CTTN: variants seen among roughly 807,000 people sequenced by gnomAD.
CTTN encodes src substrate cortactin.
Under a neutral mutation model 84.0 loss-of-function variants are expected in CTTN, and 28 were observed. That is an observed-to-expected ratio of 0.33 (90% CI 0.25 to 0.46). The LOEUF (loss-of-function observed/expected upper bound fraction) is 0.46, where lower values mean the gene tolerates loss of function less well. Among genes scored for constraint, CTTN ranks in the 20% least tolerant of loss-of-function variants. The pLI is 1.00. For synonymous variants in CTTN, 301 were observed against 288.8 expected (o/e 1.04, Z -0.43); for missense variants, 641 against 723.8 (o/e 0.89, Z 1.31).
At position 70,435,668 on chromosome 11, in the gene CTTN, A is replaced by G. The variant is rs1488672191; in HGVS notation, c.*506A>G. On this transcript the variant is annotated 3_prime_UTR_variant, in exon 18 of 18. Transcript: ENST00000301843. ...CCTGATGGAAGTTAACCCGGAGCTA[A>G]GTCACCCAGAGCACAGGAGCTGCCA... 4.4e-6 allele frequency: 7 copies of G among 1,597,210 alleles called. No homozygotes were observed. Among genetic ancestry groups the G allele is most frequent in the Admixed American group, 3.3e-5 (2 of 59,838 alleles).
intron 5 of CTTN, 46 bp downstream of exon 5, chr11:70,410,006 A>G: frequency 2.5e-6 from 4 of 1,606,802 alleles, no homozygotes; most frequent in Non-Finnish European, 3.4e-6. Context: ...GTGTGCTTGG[A>G]CCACTAGACT....
At chr11:70,413,168 A>G (rs1021785857) in intron 5 of CTTN, among the ~76,000 whole-genome samples, 2 of 152,238 alleles carry the variant, frequency 1.3e-5, no homozygotes, top group African/African-American at 4.8e-5. Context: ...AATAGGGGAA[A>G]TAGTGGACAC....
At position 70,435,424 on chromosome 11, in the gene CTTN, G is replaced by GTTTTTTT; in HGVS notation, c.*266_*272dup. On this transcript the variant is annotated 3_prime_UTR_variant, in exon 18 of 18. Coordinates refer to ENST00000301843, the MANE Select transcript of CTTN (RefSeq NM_005231.4). ...TGGTAATTGGTTTTATGCATTGATG[G>GTTTTTTT]TTTTTTTTTTCTTTTTTGCCAAATT... The GTTTTTTT allele has an allele frequency of 7.2e-7, 1 of 1,381,482 alleles. No homozygotes were observed. The highest frequency in any genetic ancestry group is 1.4e-5 in the South Asian group (1 of 70,672). The allele number at this position is 1,381,482 out of a possible 1,614,324, so 85.6% of individuals were successfully genotyped here.
Position 70,436,059 on chromosome 11 carries a change from C to T in CTTN, c.*897C>T, listed in dbSNP as rs905822174. 1.8e-5 allele frequency: 26 copies of T among 1,424,830 alleles called. No individual in the cohort carries two copies. The East Asian group carries it at 4.6e-4, about 25-fold the overall frequency. 88.3% of individuals were successfully genotyped at this position (1,424,830 alleles called of 1,614,324 possible). On this transcript the variant is annotated 3_prime_UTR_variant, in exon 18 of 18. Coordinates refer to ENST00000301843, the MANE Select transcript of CTTN (RefSeq NM_005231.4). ...GCCATGTCACAGCATGGCCTCTCGG[C>T]CTTGGGAAGGAAGGCAGTGCCTGCT... is the stretch of plus-strand genomic sequence containing the variant.
chr11:70,429,446 G>C (rs1298488114), intron 14 of CTTN, among the ~76,000 whole-genome samples: 2 of 152,188 alleles, frequency 1.3e-5, no homozygotes, highest in Non-Finnish European at 2.9e-5. Context: ...TCCAGCCCCA[G>C]GACCCGCCAA....
At chr11:70,407,197 G>A (rs1244493288) in intron 2 of CTTN, 101 bp from the exon 3 acceptor site, 1 of 886,200 alleles carries the variant, frequency 1.1e-6, no homozygotes, top group Non-Finnish European at 1.8e-6. Flanking sequence ...CGTCCTCCTG[G>A]GTTGCCTAGA....
chr11:70,428,090 T>G, intron 13 of CTTN, among the ~76,000 whole-genome samples: 1 of 151,014 alleles, frequency 6.6e-6, no homozygotes, highest in South Asian at 2.1e-4. Flanking sequence ...TCATGGTCCT[T>G]GAGACACAGA....
chr11:70,417,196 C>T, intron 8 of CTTN, 73 bp downstream of exon 8: 1 of 1,103,426 alleles, frequency 9.1e-7, no homozygotes, highest in South Asian at 1.2e-5. Context: ...TCTCTCTGCA[C>T]ACGTGATTGT....
At chr11:70,427,968 C>G (rs1343541248) in intron 13 of CTTN, among the ~76,000 whole-genome samples, 4 of 152,096 alleles carry the variant, frequency 2.6e-5, no homozygotes, top group African/African-American at 9.7e-5. Flanking sequence ...TGGGAGAAAA[C>G]TGTTGCCAGA....
At chr11:70,407,227 A>G (rs1565487775) in intron 2 of CTTN, 71 bp from the exon 3 acceptor site, 1 of 1,326,040 alleles carries the variant, frequency 7.5e-7, no homozygotes, top group Non-Finnish European at 1.0e-6. Flanking sequence ...GTTTTGGCCA[A>G]AGGGCTCATC....
chr11:70,409,698 A>AATCGG, intron 4 of CTTN, 133 bp from the exon 5 acceptor site: 2 of 1,012,740 alleles, frequency 2.0e-6, no homozygotes, highest in South Asian at 2.9e-5. Flanking sequence ...GCAGGGAGAG[A>AATCGG]ATCGGTGAAC....
intron 5 of CTTN, among the ~76,000 whole-genome samples, chr11:70,410,653 C>T (rs1400952959): frequency 2.0e-5 from 3 of 152,184 alleles, no homozygotes; most frequent in Non-Finnish European, 4.4e-5. Context: ...CTTTTCCTTC[C>T]TGGAGAGAAG....
At chr11:70,408,610 G>A (rs895902574) in intron 4 of CTTN, among the ~76,000 whole-genome samples, 1 of 152,124 alleles carries the variant, frequency 6.6e-6, no homozygotes, top group African/African-American at 2.4e-5. Context: ...TTGTTGCTCA[G>A]GCTGGTCTTG....
Position 70,430,609 on chromosome 11 carries a change from C to G in CTTN, c.1177-582C>G, listed in dbSNP as rs189129992. On this transcript the variant is annotated intron_variant, in intron 14 of 17. Coordinates refer to ENST00000301843, the MANE Select transcript of CTTN (RefSeq NM_005231.4). ...GTTTCATCACATACACAGTCCCTCC[C>G]CATGGGGTCTGGGGACTGCGATGTC... is the stretch of plus-strand genomic sequence containing the variant. Among the ~76,000 whole-genome samples the G allele has an allele frequency of 7.6e-4, 116 of 152,324 alleles. 1 individual carries two copies. In the East Asian group the frequency reaches 0.017, roughly 23 times the overall value.
intron 14 of CTTN, 45 bp from the exon 15 acceptor site, chr11:70,431,146 G>C (rs2058349273): frequency 7.0e-6 from 11 of 1,570,270 alleles, no homozygotes; most frequent in Non-Finnish European, 9.6e-6. Context: ...TGACAGTGCA[G>C]AGTGTCATGG....
At chr11:70,420,332 A>G in intron 9 of CTTN, 68 bp from the exon 10 acceptor site, 1 of 1,016,152 alleles carries the variant, frequency 9.8e-7, no homozygotes. Flanking sequence ...TGTATTGAAA[A>G]CATACTTTCC....
intron 5 of CTTN, among the ~76,000 whole-genome samples, chr11:70,411,270 G>T (rs2135560034): frequency 8.1e-6 from 1 of 123,822 alleles, no homozygotes; most frequent in South Asian, 3.5e-4. Context: ...TGTGTTCAGT[G>T]CAGCGAGCGA....
intron 12 of CTTN, among the ~76,000 whole-genome samples, chr11:70,423,580 G>A (rs1287156094): frequency 6.6e-6 from 1 of 152,222 alleles, no homozygotes; most frequent in African/African-American, 2.4e-5. Flanking sequence ...TCCCCAGGGA[G>A]CAGTAGCCTG....
chr11:70,424,526 G>T (rs1000243801), intron 12 of CTTN, among the ~76,000 whole-genome samples: 1 of 152,090 alleles, frequency 6.6e-6, no homozygotes, highest in Non-Finnish European at 1.5e-5. Flanking sequence ...TACAACCCAG[G>T]CTGGGAGGTG....
Sources: allele counts gnomAD v4.1 joint callset (sites outside exome capture counted in the v4.1 genomes callset), GRCh38; gene constraint gnomAD v4.1.1; transcripts MANE v1.5; gene names NCBI Gene and HGNC (gene_info 2026-07-23, HGNC 2026-07-21).